ARHGAP24: variants seen among roughly 807,000 people sequenced by gnomAD.
ARHGAP24 encodes rho GTPase-activating protein 24.
Under a neutral mutation model 76.4 loss-of-function variants are expected in ARHGAP24, and 50 were observed. The observed-to-expected ratio is 0.65, with a 90% CI of 0.52 to 0.83. ARHGAP24 has a LOEUF of 0.83. Among genes scored for constraint, ARHGAP24 ranks in the 40% least tolerant of loss-of-function variants. ARHGAP24 has a pLI of 0.00. For missense variants in ARHGAP24, 930 were observed against 914.2 expected, an observed-to-expected ratio of 1.02 and a Z score of -0.22; for synonymous variants, 345 against 323.3, an observed-to-expected ratio of 1.07 and a Z score of -0.72.
At chr4:85,600,106 T>G (rs1329214360) in intron 2 of ARHGAP24, among the ~76,000 whole-genome samples, 1 of 152,172 alleles carries the variant, frequency 6.6e-6, no homozygotes, top group Admixed American at 6.6e-5. Flanking sequence ...AAATTTCCTC[T>G]AGGTAGAGAG....
chr4:85,966,379 G>A (rs1024845174), intron 5 of ARHGAP24, among the ~76,000 whole-genome samples: 2 of 152,154 alleles, frequency 1.3e-5, no homozygotes, highest in Non-Finnish European at 2.9e-5. Flanking sequence ...ACTGGGACAA[G>A]CACTAGTTCA....
At chr4:85,969,765 T>G (rs1293123405) in intron 5 of ARHGAP24, among the ~76,000 whole-genome samples, 1 of 152,146 alleles carries the variant, frequency 6.6e-6, no homozygotes, top group Non-Finnish European at 1.5e-5. Context: ...TACTAGTGTC[T>G]TCCTTGTCTT....
intron 1 of ARHGAP24, among the ~76,000 whole-genome samples, chr4:85,539,095 G>A (rs780913316): frequency 2.0e-5 from 3 of 152,040 alleles, no homozygotes; most frequent in African/African-American, 4.8e-5. Context: ...AGAAAGTCTC[G>A]GCTCCTGAAT....
At chr4:85,930,885 G>A in intron 4 of ARHGAP24, 1 of 1,612,694 alleles carries the variant, frequency 6.2e-7, no homozygotes, top group Non-Finnish European at 8.5e-7. Context: ...TCAGAGGCAG[G>A]TTTTAAAGGA....
intron 5 of ARHGAP24, among the ~76,000 whole-genome samples, chr4:85,945,696 G>A (rs1218208525): frequency 6.7e-6 from 1 of 149,670 alleles, no homozygotes; most frequent in Non-Finnish European, 1.5e-5. Flanking sequence ...GGAGGCAGAG[G>A]TTGCAGTGAG....
At chr4:85,572,519 A>T (rs1727179853) in intron 2 of ARHGAP24, among the ~76,000 whole-genome samples, 1 of 152,192 alleles carries the variant, frequency 6.6e-6, no homozygotes, top group African/African-American at 2.4e-5. Context: ...TCTAGTGGTT[A>T]TATTGATTAA....
intron 1 of ARHGAP24, among the ~76,000 whole-genome samples, chr4:85,485,462 CTG>C (rs1723013586): frequency 8.4e-6 from 1 of 118,698 alleles, no homozygotes; most frequent in South Asian, 3.0e-4. Context: ...TATATATTAA[CTG>C]TATGTTTCAA....
At position 85,721,908 on chromosome 4, in the gene ARHGAP24, TAA is replaced by T; in HGVS notation, c.206_207del (p.Lys69SerfsTer3). 6.2e-7 allele frequency: 1 copy of T among 1,613,550 alleles called. No homozygotes were observed. Among genetic ancestry groups the T allele is most frequent in the Non-Finnish European group, 8.5e-7 (1 of 1,179,642 alleles). On this transcript the variant is annotated frameshift_variant, in exon 3 of 10. Coordinates refer to ENST00000395184, the MANE Select transcript of ARHGAP24 (RefSeq NM_001025616.3). LOFTEE classifies it high-confidence loss of function. ...PLGTIFLPGNKVSEHPCNEEN... is the reference protein window; with the variant it reads ...PLGTIFLPGNXVSEHPCNEEN... ...AGGGTACTATTTTTCTGCCTGGAAA[TAA>T]AGTTTCTGAGCATCCCTGCAATGAA...
rs570729557 is a variant in ARHGAP24, at chr4:85,901,198, A to G, written c.269-22450A>G. Among the ~76,000 whole-genome samples, 9 of 152,282 alleles carry G rather than the reference A, an allele frequency of 5.9e-5. No individual in the cohort carries two copies. In the South Asian group the frequency reaches 1.7e-3, roughly 28 times the overall value. On this transcript the variant is annotated intron_variant, in intron 3 of 9. Coordinates refer to ENST00000395184, the MANE Select transcript of ARHGAP24 (RefSeq NM_001025616.3). ...CTTTCTATTCTGTTTGGTACTAGAA[A>G]TATATTAGAAAAAAATAAGAAAAAC...
chr4:85,917,260 G>T (rs1735466662), intron 3 of ARHGAP24, among the ~76,000 whole-genome samples: 1 of 152,016 alleles, frequency 6.6e-6, no homozygotes, highest in Admixed American at 6.6e-5. Flanking sequence ...TTTTATGGCT[G>T]CATAGTATTC....
At chr4:85,577,450 G>C (rs1339664318) in intron 2 of ARHGAP24, among the ~76,000 whole-genome samples, 2 of 152,244 alleles carry the variant, frequency 1.3e-5, no homozygotes, top group Non-Finnish European at 2.9e-5. Flanking sequence ...AGATGGACCA[G>C]ACATGGTAGT....
At chr4:85,680,775 T>C (rs1219143095) in intron 2 of ARHGAP24, among the ~76,000 whole-genome samples, 1 of 148,566 alleles carries the variant, frequency 6.7e-6, no homozygotes, top group East Asian at 1.9e-4. Flanking sequence ...GGAATAAATA[T>C]ATATAATATT....
chr4:85,660,794 C>CAAAAAAAAAAAA (rs34228407), intron 2 of ARHGAP24, among the ~76,000 whole-genome samples: 5,670 of 59,356 alleles, frequency 0.096, 1,626 homozygotes, highest in Non-Finnish European at 0.14. Flanking sequence ...GACTCCGTCT[C>CAAAAAAAAAAAA]AAAAAAAAAA....
intron 1 of ARHGAP24, among the ~76,000 whole-genome samples, chr4:85,485,377 ATATATATATATATATATATAT>A (rs1483738684): frequency 9.6e-5 from 1 of 10,380 alleles, no homozygotes; most frequent in African/African-American, 3.7e-4. Context: ...AAAAAAAAAA[ATATATATATATATATATATAT>A]ATATATATAT....
chr4:85,723,155 A>C (rs1490784520), intron 3 of ARHGAP24: 1 of 111,050 alleles, frequency 9.0e-6, no homozygotes, highest in African/African-American at 3.1e-5. Context: ...CAGATGTTAC[A>C]AAGTCTTTGA....
intron 3 of ARHGAP24, among the ~76,000 whole-genome samples, chr4:85,760,360 C>T (rs184426598): frequency 2.6e-5 from 4 of 152,064 alleles, no homozygotes; most frequent in Admixed American, 1.3e-4. Flanking sequence ...TATGACTGAC[C>T]GAGTCATGAG....
At chr4:85,704,168 T>C (rs1223483920) in intron 2 of ARHGAP24, among the ~76,000 whole-genome samples, 1 of 152,218 alleles carries the variant, frequency 6.6e-6, no homozygotes, top group Non-Finnish European at 1.5e-5. Flanking sequence ...ACAGTTTTTT[T>C]TTGTCCAGTT....
At position 85,882,432 on chromosome 4, in the gene ARHGAP24, C is replaced by T. The variant is rs191154080; in HGVS notation, c.269-41216C>T. Among the ~76,000 whole-genome samples the T allele has an allele frequency of 7.1e-3, 1,073 of 152,050 alleles. 10 individuals are homozygous for T. Among genetic ancestry groups the T allele is most frequent in the African/African-American group, 0.025 (1,027 of 41,470 alleles). ...AATGGAAAAAGTTCATTCTAGAACC[C>T]CCTGATAATTAAGATGATATCATTA... On this transcript the variant is annotated intron_variant, in intron 3 of 9. Coordinates refer to ENST00000395184, the MANE Select transcript of ARHGAP24 (RefSeq NM_001025616.3).
intron 3 of ARHGAP24, among the ~76,000 whole-genome samples, chr4:85,876,078 A>T (rs1732919504): frequency 1.3e-5 from 2 of 152,196 alleles, no homozygotes; most frequent in African/African-American, 4.8e-5. Flanking sequence ...ATTATTTTTC[A>T]AAATATTTTA....
Sources: allele counts gnomAD v4.1 joint callset (sites outside exome capture counted in the v4.1 genomes callset), GRCh38; gene constraint gnomAD v4.1.1; transcripts MANE v1.5; gene names NCBI Gene and HGNC (gene_info 2026-07-23, HGNC 2026-07-21).